Variants in HEATR4 observed in about 807,000 individuals in gnomAD.
The protein encoded by HEATR4 is HEAT repeat containing 4, also known as HEAT repeat-containing protein 4.
A neutral mutation model predicts 108.8 loss-of-function variants in HEATR4; 95 were observed. The observed-to-expected ratio is 0.87, with a 90% CI of 0.74 to 1.04. The LOEUF is 1.04. Ranked by LOEUF, HEATR4 falls within the 50% of genes least tolerant of loss-of-function variation. The pLI, the probability that HEATR4 is intolerant of heterozygous loss-of-function variation, is 0.00. For synonymous variants in HEATR4, 443 were observed against 459.4 expected (o/e 0.96, Z 0.46); for missense variants, 1,152 against 1,253.8 (o/e 0.92, Z 1.23).
chr14:73,527,624 A>G (rs934761649), intron 2 of HEATR4, among the ~76,000 whole-genome samples: 1 of 151,990 alleles, frequency 6.6e-6, no homozygotes, highest in Non-Finnish European at 1.5e-5. Flanking sequence ...GAGTCTCTCA[A>G]CAGCAGAATT....
At chr14:73,618,514 G>A in the HEATR4 span, among the ~76,000 whole-genome samples, 1 of 150,346 alleles carries the variant, frequency 6.7e-6, no homozygotes. Context: ...CCCACGGGCT[G>A]ACCTCTCCCC....
the HEATR4 span, among the ~76,000 whole-genome samples, chr14:73,601,728 A>C: frequency 6.6e-6 from 1 of 152,218 alleles, no homozygotes; most frequent in African/African-American, 2.4e-5. Flanking sequence ...CCATGAGTCC[A>C]TGCTTAACAT....
upstream of HEATR4, among the ~76,000 whole-genome samples, chr14:73,559,406 C>T (rs1476162279): frequency 6.6e-6 from 1 of 151,834 alleles, no homozygotes; most frequent in Non-Finnish European, 1.5e-5. Flanking sequence ...AACTGTGAGC[C>T]ACCACACCTA....
chr14:73,485,403 ATTT>A (rs35289379), intron 17 of HEATR4, among the ~76,000 whole-genome samples: 1 of 140,450 alleles, frequency 7.1e-6, no homozygotes, highest in African/African-American at 2.6e-5. Flanking sequence ...ACATGGGTGA[ATTT>A]TTTTTTTTTT....
intron 11 of HEATR4, among the ~76,000 whole-genome samples, chr14:73,501,950 T>TTAGGG (rs1373492592): frequency 1.3e-5 from 2 of 152,000 alleles, no homozygotes; most frequent in East Asian, 1.9e-4. Context: ...TTTCACCATG[T>TTAGGG]TAGTCAGGAT....
intron 1 of HEATR4, among the ~76,000 whole-genome samples, chr14:73,553,179 T>TC (rs1889348225): frequency 8.8e-6 from 1 of 113,848 alleles, no homozygotes; most frequent in Non-Finnish European, 1.9e-5. Flanking sequence ...CTCCCCTTCT[T>TC]CTCCCCCAGG....
At chr14:73,624,242 C>T in the HEATR4 span, among the ~76,000 whole-genome samples, 1 of 152,114 alleles carries the variant, frequency 6.6e-6, no homozygotes, top group Non-Finnish European at 1.5e-5. Flanking sequence ...CCTACCTCAG[C>T]ATCCCGAGTA....
chr14:73,493,949 T>A (rs1885951378), intron 16 of HEATR4, among the ~76,000 whole-genome samples: 1 of 152,238 alleles, frequency 6.6e-6, no homozygotes, highest in African/African-American at 2.4e-5. Flanking sequence ...AGAAAAATTA[T>A]TTTCTACCAG....
the HEATR4 span, chr14:73,569,339 G>A: frequency 6.2e-7 from 1 of 1,613,988 alleles, no homozygotes; most frequent in South Asian, 1.1e-5. Flanking sequence ...CGTCCCGGCT[G>A]TACCAATGGA....
At chr14:73,487,863 A>G (rs753174999) in intron 17 of HEATR4, among the ~76,000 whole-genome samples, 6 of 152,228 alleles carry the variant, frequency 3.9e-5, no homozygotes, top group Non-Finnish European at 8.8e-5. Flanking sequence ...GGGGGACAAT[A>G]TGCAGAGGAA....
At chr14:73,595,079 A>G in the HEATR4 span, 1 of 1,614,010 alleles carries the variant, frequency 6.2e-7, no homozygotes. Context: ...GCTTTTGGGC[A>G]TTTCTCTAGG....
the HEATR4 span, among the ~76,000 whole-genome samples, chr14:73,588,937 T>C: frequency 3.3e-5 from 5 of 152,182 alleles, no homozygotes; most frequent in African/African-American, 1.2e-4. Context: ...TTAAAGCAGT[T>C]TCAGGTTCAT....
the HEATR4 span, among the ~76,000 whole-genome samples, chr14:73,577,459 T>C: frequency 7.2e-6 from 1 of 138,924 alleles, no homozygotes; most frequent in African/African-American, 2.7e-5. Flanking sequence ...TTAGAGATGA[T>C]GCAATCTGGG....
chr14:73,536,977 GT>G, intron 1 of HEATR4: 1 of 65,498 alleles, frequency 1.5e-5, no homozygotes. Flanking sequence ...TAGCTGCCTG[GT>G]TGTTGTTGTT....
chr14:73,599,647 TCTGCATGAC>T, the HEATR4 span, among the ~76,000 whole-genome samples: 4 of 152,102 alleles, frequency 2.6e-5, no homozygotes, highest in Admixed American at 2.0e-4. Flanking sequence ...AGCAAGCAAT[TCTGCATGAC>T]CTTTGTTCAG....
chr14:73,576,711 A>G, the HEATR4 span, among the ~76,000 whole-genome samples: 3 of 144,036 alleles, frequency 2.1e-5, no homozygotes, highest in Non-Finnish European at 3.0e-5. Context: ...TGGGAGAACC[A>G]CTTGAGCCCT....
chr14:73,511,845 G>A (rs1034143385), intron 7 of HEATR4, among the ~76,000 whole-genome samples, 161 bp downstream of exon 7: 8 of 152,194 alleles, frequency 5.3e-5, no homozygotes, highest in African/African-American at 1.7e-4. Flanking sequence ...TTTTAATCTC[G>A]TCTCTATTGC....
the HEATR4 span, chr14:73,583,029 C>T: frequency 6.6e-6 from 1 of 152,076 alleles, no homozygotes; most frequent in African/African-American, 2.4e-5. Flanking sequence ...TGAAGGACCC[C>T]ACAGGAACTC....
the HEATR4 span, among the ~76,000 whole-genome samples, chr14:73,631,233 T>A: frequency 6.6e-6 from 1 of 152,228 alleles, no homozygotes; most frequent in Non-Finnish European, 1.5e-5. Flanking sequence ...CTGGGTTAAT[T>A]CACCTCATTT....
Sources: gnomAD v4.1 joint callset for allele counts (sites outside exome capture counted in the v4.1 genomes callset) on GRCh38, gnomAD v4.1.1 for gene constraint, MANE v1.5 for transcripts, NCBI Gene and HGNC (gene_info 2026-07-23, HGNC 2026-07-21) for gene names.